The following HECW1 variants were observed in gnomAD, a reference collection of about 807,000 sequenced individuals.
The protein encoded by HECW1 is HECT, C2 and WW domain containing E3 ubiquitin protein ligase 1.
In HECW1, 61 loss-of-function variants were observed where a neutral mutation model predicts 182.3. That is an observed-to-expected ratio of 0.33 (90% confidence interval 0.27 to 0.41). HECW1 has a LOEUF of 0.41. Ranked by LOEUF, HECW1 falls within the 10% of genes least tolerant of loss-of-function variation. The probability of loss-of-function intolerance (pLI) is 1.00; values close to 1 mark genes in which losing one functional copy is unlikely to be tolerated. For synonymous variants in HECW1, 859 were observed against 832.6 expected (o/e 1.03, Z -0.55); for missense variants, 1,739 against 2,108.9 (o/e 0.82, Z 3.44).
At chr7:43,554,446 C>T (rs1020486544) in intron 28 of HECW1, 146 bp from the exon 29 acceptor site, 1 of 686,574 alleles carries the variant, frequency 1.5e-6, no homozygotes, top group African/African-American at 1.8e-5. Flanking sequence ...TGTTTTAGAC[C>T]TCTCTAAAGG....
At chr7:43,433,754 T>C (rs2076622556) in intron 8 of HECW1, among the ~76,000 whole-genome samples, 1 of 152,244 alleles carries the variant, frequency 6.6e-6, no homozygotes, top group Non-Finnish European at 1.5e-5. Context: ...CTTTCTTTTC[T>C]GACCCGAGTG....
chr7:43,127,726 A>C (rs1372045821), intron 2 of HECW1, among the ~76,000 whole-genome samples: 4 of 152,318 alleles, frequency 2.6e-5, no homozygotes, highest in Admixed American at 2.0e-4. Context: ...GTCTGAAGCT[A>C]GCAGAAGTTG....
chr7:43,164,737 G>A (rs552850015), intron 2 of HECW1, among the ~76,000 whole-genome samples: 23 of 152,338 alleles, frequency 1.5e-4, no homozygotes, highest in South Asian at 8.3e-4. Context: ...GACAGAGAGC[G>A]CCACATCCTG....
intron 6 of HECW1, among the ~76,000 whole-genome samples, chr7:43,361,793 G>T (rs1815941262): frequency 7.0e-6 from 1 of 142,398 alleles, no homozygotes; most frequent in Admixed American, 7.0e-5. Context: ...TGTCATGCTA[G>T]TGGAAATAAA....
In HECW1 at chr7:43,437,868, AT is replaced by A. The variant is rs781168339; in HGVS notation, c.802-132del. The stretch of plus-strand genomic sequence containing the variant: ...TTTACTGAATAAACAGGTTCACAAC[AT>A]TTCTGAGACCCTTTATATATAGGTA... On this transcript the variant is annotated intron_variant, in intron 8 of 29. Transcript: ENST00000395891. 244 of 882,430 alleles carry A rather than the reference AT, an allele frequency of 2.8e-4. 1 individual carries two copies. Among genetic ancestry groups the A allele is most frequent in the Non-Finnish European group, 1.6e-4 (94 of 579,506 alleles). The allele number at this position is 882,430 out of a possible 1,614,324, so 54.7% of individuals were successfully genotyped here.
intron 24 of HECW1, among the ~76,000 whole-genome samples, chr7:43,512,828 A>G (rs538802820): frequency 6.6e-6 from 1 of 152,356 alleles, no homozygotes; most frequent in Non-Finnish European, 1.5e-5. Flanking sequence ...TAAGGCTTCA[A>G]AGGATTAAAC....
intron 6 of HECW1, among the ~76,000 whole-genome samples, chr7:43,367,347 C>G (rs1233378956): frequency 6.6e-6 from 1 of 152,184 alleles, no homozygotes; most frequent in South Asian, 2.1e-4. Flanking sequence ...ATTAACAATA[C>G]TATGATGAGA....
chr7:43,391,066 A>G (rs1167621885), intron 6 of HECW1, among the ~76,000 whole-genome samples: 1 of 152,180 alleles, frequency 6.6e-6, no homozygotes, highest in South Asian at 2.1e-4. Flanking sequence ...TTGGCAGGAG[A>G]CAAGATAAGG....
chr7:43,519,303 T>C (rs555320918), intron 24 of HECW1, among the ~76,000 whole-genome samples: 3 of 152,052 alleles, frequency 2.0e-5, no homozygotes, highest in Non-Finnish European at 4.4e-5. Context: ...TGGAGTGCAA[T>C]GGCACGATCT....
chr7:43,342,750 G>A (rs1333143074), intron 5 of HECW1, among the ~76,000 whole-genome samples: 1 of 151,768 alleles, frequency 6.6e-6, no homozygotes, highest in Non-Finnish European at 1.5e-5. Context: ...TAGAGGCCGG[G>A]CATGGTGGCT....
chr7:43,357,636 A>C (rs1815330187), intron 5 of HECW1, among the ~76,000 whole-genome samples: 1 of 152,154 alleles, frequency 6.6e-6, no homozygotes, highest in South Asian at 2.1e-4. Flanking sequence ...AAGAAATAAA[A>C]TCTAGTGTTT....
intron 5 of HECW1, among the ~76,000 whole-genome samples, chr7:43,334,853 T>A (rs1208711974): frequency 6.6e-6 from 1 of 152,218 alleles, no homozygotes; most frequent in Non-Finnish European, 1.5e-5. Flanking sequence ...GAATGGCATA[T>A]GAAATACTCT....
chr7:43,434,094 A>G (rs887675331), intron 8 of HECW1, among the ~76,000 whole-genome samples: 1 of 152,238 alleles, frequency 6.6e-6, no homozygotes, highest in African/African-American at 2.4e-5. Context: ...TTATCTTTTA[A>G]CCAAGTGGCC....
chr7:43,326,431 G>A (rs1187832300), intron 5 of HECW1, among the ~76,000 whole-genome samples: 1 of 152,198 alleles, frequency 6.6e-6, no homozygotes, highest in Non-Finnish European at 1.5e-5. Context: ...CACGCCCAGG[G>A]AGGCCCTCTG....
At chr7:43,208,970 A>C (rs757829620) in intron 2 of HECW1, among the ~76,000 whole-genome samples, 5 of 152,204 alleles carry the variant, frequency 3.3e-5, no homozygotes, top group Non-Finnish European at 7.3e-5. Context: ...GGCTTTTAGA[A>C]GATTTTGCTT....
At position 43,222,864 on chromosome 7, in the gene HECW1, G is replaced by A. The variant is rs192956215; in HGVS notation, c.-31-21011G>A. On this transcript the variant is annotated intron_variant, in intron 2 of 29. Transcript: ENST00000395891. ...TCTCCTGTCTCCACTCCCTGCCCTG[G>A]TCATCCCATCCCATCTTATGACCTA... Among the ~76,000 whole-genome samples, 11 of 152,178 alleles carry A rather than the reference G, an allele frequency of 7.2e-5. No homozygotes were observed. The East Asian group carries it at 2.1e-3, about 29-fold the overall frequency.
intron 2 of HECW1, among the ~76,000 whole-genome samples, chr7:43,146,667 CTT>C (rs1340741748): frequency 6.6e-6 from 1 of 152,162 alleles, no homozygotes; most frequent in Non-Finnish European, 1.5e-5. Context: ...AGTATCATGT[CTT>C]TAAAGAGAGA....
At chr7:43,391,752 C>A (rs184585728) in intron 6 of HECW1, among the ~76,000 whole-genome samples, 4 of 152,280 alleles carry the variant, frequency 2.6e-5, no homozygotes, top group African/African-American at 9.6e-5. Context: ...TAATGAGGGT[C>A]TAATGAGGGA....
chr7:43,202,949 A>G (rs1232011263), intron 2 of HECW1, among the ~76,000 whole-genome samples: 1 of 151,826 alleles, frequency 6.6e-6, no homozygotes, highest in Non-Finnish European at 1.5e-5. Flanking sequence ...ATTTTCCACT[A>G]CCTACCCAAA....
Sources: allele counts gnomAD v4.1 joint callset (sites outside exome capture counted in the v4.1 genomes callset), GRCh38; gene constraint gnomAD v4.1.1; transcripts MANE v1.5; gene names NCBI Gene and HGNC (gene_info 2026-07-23, HGNC 2026-07-21).